DOCK3: variants seen among roughly 807,000 people sequenced by gnomAD.
DOCK3 encodes dedicator of cytokinesis protein 3.
DOCK3 carries 60 observed loss-of-function variants against 265.6 expected under a neutral mutation model. The ratio of observed to expected loss-of-function variants is 0.23; its 90% CI spans 0.18 to 0.28. The LOEUF (loss-of-function observed/expected upper bound fraction) is 0.28, where lower values mean the gene tolerates loss of function less well. Ranked by LOEUF, DOCK3 falls within the 10% of genes least tolerant of loss-of-function variation. The probability of loss-of-function intolerance (pLI) is 1.00; values close to 1 mark genes in which losing one functional copy is unlikely to be tolerated. For missense variants in DOCK3, 1,981 were observed against 2,594.3 expected (o/e 0.76, Z 5.14); for synonymous variants, 881 against 938.0 (o/e 0.94, Z 1.11).
chr3:51,117,262 CATTT>C (rs1423235151), intron 9 of DOCK3, among the ~76,000 whole-genome samples: 1 of 152,054 alleles, frequency 6.6e-6, no homozygotes, highest in Non-Finnish European at 1.5e-5. Context: ...TGATGGATTA[CATTT>C]ATTTATTTGT....
chr3:51,228,533 A>C (rs2090423127), intron 17 of DOCK3, 128 bp from the exon 18 acceptor site: 1 of 1,014,196 alleles, frequency 9.9e-7, no homozygotes. Flanking sequence ...TACTCTTCCA[A>C]GAGGACCTGA....
At chr3:51,098,675 T>G (rs546897662) in intron 9 of DOCK3, among the ~76,000 whole-genome samples, 2 of 152,338 alleles carry the variant, frequency 1.3e-5, no homozygotes, top group South Asian at 4.1e-4. Context: ...GACCTGCAAT[T>G]TAGTCTTGGT....
In DOCK3 at chr3:51,215,347, C is replaced by A. The variant is rs9878810; in HGVS notation, c.1252+1100C>A. On this transcript the variant is annotated intron_variant, in intron 14 of 52. Coordinates refer to ENST00000266037, the MANE Select transcript of DOCK3 (RefSeq NM_004947.5). The stretch of plus-strand genomic sequence containing the variant: ...TCTCGAACTCCTGACCTCAAGTGAT[C>A]CAGTACTGGCATACTGGTCTTGAAC... Among the ~76,000 whole-genome samples the A allele has an allele frequency of 2.7e-3, 417 of 152,288 alleles. 1 individual carries two copies. The highest frequency in any genetic ancestry group is 9.6e-3 in the African/African-American group (399 of 41,550).
At chr3:51,205,362 A>C (rs1296547981) in intron 12 of DOCK3, among the ~76,000 whole-genome samples, 1 of 151,976 alleles carries the variant, frequency 6.6e-6, no homozygotes, top group Admixed American at 6.6e-5. Context: ...AATGATGAAG[A>C]CTTTGATGGG....
chr3:51,057,160 T>A (rs959895468), intron 5 of DOCK3, among the ~76,000 whole-genome samples: 1 of 152,224 alleles, frequency 6.6e-6, no homozygotes, highest in Non-Finnish European at 1.5e-5. Context: ...TTAGCAAAAA[T>A]TATCTTTAAA....
At chr3:50,799,514 T>C (rs1359852282) in intron 2 of DOCK3, among the ~76,000 whole-genome samples, 4 of 152,158 alleles carry the variant, frequency 2.6e-5, no homozygotes, top group Non-Finnish European at 4.4e-5. Flanking sequence ...GGCTCCTCCA[T>C]TGTTCCTGTA....
At chr3:51,073,621 G>C (rs1427665367) in intron 6 of DOCK3, among the ~76,000 whole-genome samples, 1 of 152,048 alleles carries the variant, frequency 6.6e-6, no homozygotes, top group African/African-American at 2.4e-5. Context: ...GTTTATTACT[G>C]ATCTTCTCAT....
intron 1 of DOCK3, among the ~76,000 whole-genome samples, chr3:50,730,984 T>A (rs938570700): frequency 1.3e-5 from 2 of 151,516 alleles, no homozygotes; most frequent in Non-Finnish European, 1.5e-5. Flanking sequence ...CAAAAAAAAT[T>A]AGCTGGGCGT....
chr3:51,166,294 G>T (rs994035019), intron 12 of DOCK3, among the ~76,000 whole-genome samples: 10 of 151,740 alleles, frequency 6.6e-5, no homozygotes, highest in Non-Finnish European at 1.2e-4. Flanking sequence ...CAGATGATCC[G>T]CCTGCCTCAG....
chr3:50,730,743 A>C, intron 1 of DOCK3, among the ~76,000 whole-genome samples: 1 of 152,010 alleles, frequency 6.6e-6, no homozygotes, highest in Non-Finnish European at 1.5e-5. Flanking sequence ...AGGTGGGAGA[A>C]TTGCTTGAGC....
At position 50,859,851 on chromosome 3, in the gene DOCK3, A is replaced by G. The variant is rs551209337; in HGVS notation, c.162+18136A>G. On this transcript the variant is annotated intron_variant, in intron 3 of 52. Transcript: ENST00000266037. ...TCTGTGTTTCCTCATAGTTGCAGCA[A>G]TGTTCCCTCTCAATGCTGTGGAAGT... Among the ~76,000 whole-genome samples the G allele has an allele frequency of 4.6e-5, 7 of 152,256 alleles. No individual in the cohort carries two copies. The South Asian group carries it at 1.0e-3, about 23-fold the overall frequency.
chr3:51,043,972 T>G (rs1453433222), intron 5 of DOCK3, among the ~76,000 whole-genome samples: 1 of 152,122 alleles, frequency 6.6e-6, no homozygotes, highest in Non-Finnish European at 1.5e-5. Context: ...TTATACACTG[T>G]TGTTGGGAGT....
At chr3:51,164,066 C>T (rs1390476776) in intron 12 of DOCK3, among the ~76,000 whole-genome samples, 3 of 152,146 alleles carry the variant, frequency 2.0e-5, no homozygotes, top group African/African-American at 7.2e-5. Flanking sequence ...TGCTTTCACA[C>T]TGGAAATTCA....
intron 1 of DOCK3, among the ~76,000 whole-genome samples, chr3:50,745,777 T>C (rs2039390193): frequency 6.6e-6 from 1 of 152,236 alleles, no homozygotes; most frequent in African/African-American, 2.4e-5. Flanking sequence ...ATCAACTTTA[T>C]TAACTTCTTC....
chr3:51,070,021 G>A (rs2109328084), intron 6 of DOCK3, among the ~76,000 whole-genome samples: 1 of 152,238 alleles, frequency 6.6e-6, no homozygotes, highest in East Asian at 1.9e-4. Flanking sequence ...GGGATGTCTT[G>A]GCTATGTTTA....
intron 9 of DOCK3, among the ~76,000 whole-genome samples, chr3:51,103,458 GATT>G (rs2083159450): frequency 6.6e-6 from 1 of 152,096 alleles, no homozygotes; most frequent in African/African-American, 2.4e-5. Flanking sequence ...TACCTTTCTT[GATT>G]ATCTACCTTT....
intron 5 of DOCK3, among the ~76,000 whole-genome samples, chr3:50,992,361 G>T (rs920123415): frequency 2.6e-5 from 4 of 152,178 alleles, no homozygotes; most frequent in Admixed American, 1.3e-4. Context: ...GAAGTGGCGT[G>T]ATCTCAGCTC....
rs367998944 is a variant in DOCK3 at position 51,248,712 on chromosome 3, G to A, written c.2184+1905G>A. Among the ~76,000 whole-genome samples the A allele has an allele frequency of 9.3e-3, 1,405 of 150,730 alleles. 11 individuals carry two copies. The highest frequency in any genetic ancestry group is 0.014 in the Admixed American group (217 of 15,154). On this transcript the variant is annotated intron_variant, in intron 22 of 52. Coordinates refer to ENST00000266037, the MANE Select transcript of DOCK3 (RefSeq NM_004947.5). ...CTGCCCAGTCTGGAAAGTGAGGAGC[G>A]TCTCCGCCCGGCCGCCATCCCATCT...
At chr3:50,703,939 G>A (rs1395777024) in intron 1 of DOCK3, among the ~76,000 whole-genome samples, 1 of 150,530 alleles carries the variant, frequency 6.6e-6, no homozygotes, top group Non-Finnish European at 1.5e-5. Flanking sequence ...CCTTAGCTTT[G>A]CTTTTTCCAT....
Sources: allele counts gnomAD v4.1 joint callset (sites outside exome capture counted in the v4.1 genomes callset), GRCh38; gene constraint gnomAD v4.1.1; transcripts MANE v1.5; gene names NCBI Gene and HGNC (gene_info 2026-07-23, HGNC 2026-07-21).